ADAM23: variants seen among roughly 807,000 people sequenced by gnomAD.
ADAM23 encodes the protein ADAM metallopeptidase domain 23, also known as disintegrin and metalloproteinase domain-containing protein 23.
ADAM23 carries 33 observed loss-of-function variants against 120.1 expected under a neutral mutation model. The observed-to-expected ratio is 0.27, with a 90% CI of 0.21 to 0.37. The LOEUF (loss-of-function observed/expected upper bound fraction) is 0.37, where lower values mean the gene tolerates loss of function less well. Ranked by LOEUF, ADAM23 falls within the 10% of genes least tolerant of loss-of-function variation. The pLI is 1.00. For missense variants in ADAM23, 862 were observed against 1,058.2 expected (o/e 0.81, Z 2.57); for synonymous variants, 367 against 375.2 (o/e 0.98, Z 0.25).
intron 2 of ADAM23, among the ~76,000 whole-genome samples, chr2:206,449,169 A>G (rs1347961524): frequency 6.6e-6 from 1 of 152,230 alleles, no homozygotes; most frequent in African/African-American, 2.4e-5. Context: ...GTCAGATGTC[A>G]GAAGTGTTGG....
At chr2:206,509,194 C>T (rs916842672) in intron 3 of ADAM23, among the ~76,000 whole-genome samples, 1 of 152,016 alleles carries the variant, frequency 6.6e-6, no homozygotes. Flanking sequence ...AGTGACTGCT[C>T]ATTATAAAAT....
At chr2:206,492,188 C>T (rs548032011) in intron 3 of ADAM23, among the ~76,000 whole-genome samples, 1 of 152,136 alleles carries the variant, frequency 6.6e-6, no homozygotes, top group South Asian at 2.1e-4. Flanking sequence ...GGTACCTAAC[C>T]CAGATTAGAG....
At chr2:206,558,919 GTTTTTGTTTGTT>G (rs1336701224) in intron 10 of ADAM23, among the ~76,000 whole-genome samples, 12 of 145,812 alleles carry the variant, frequency 8.2e-5, no homozygotes, top group South Asian at 2.2e-4. Context: ...TCATCCATTG[GTTTTTGTTTGTT>G]TGTTTGTTTG....
chr2:206,459,255 C>T (rs912703296), intron 2 of ADAM23, among the ~76,000 whole-genome samples: 7 of 152,020 alleles, frequency 4.6e-5, no homozygotes, highest in African/African-American at 1.4e-4. Context: ...GAGATGATGC[C>T]GTCTTATTAC....
At chr2:206,609,243 A>G (rs1356915803) in intron 24 of ADAM23, among the ~76,000 whole-genome samples, 1 of 152,170 alleles carries the variant, frequency 6.6e-6, no homozygotes, top group Admixed American at 6.5e-5. Context: ...GAATCTAAGG[A>G]ATCTTTTTAC....
intron 25 of ADAM23, among the ~76,000 whole-genome samples, chr2:206,613,860 T>G (rs1189179482): frequency 1.3e-5 from 2 of 152,242 alleles, no homozygotes; most frequent in Non-Finnish European, 2.9e-5. Context: ...TCCCTAAATT[T>G]GAATGTAGGG....
Position 206,542,064 on chromosome 2 carries a change from T to C in ADAM23, c.586T>C (p.Cys196Arg), listed in dbSNP as rs1239518760. Residue 196 changes from cysteine (C) to arginine (R), a missense_variant, in exon 5 of 26, where the codon TGT becomes CGT. Physicochemically the swap from Cys to Arg is radical, Grantham distance 180. Around this residue, in one of 4 missense-constraint regions of ADAM23, gnomAD observed 617 missense variants for 813.5 expected, o/e 0.76. Transcript: ENST00000264377. ...ACCTGCTTTCCAGGGTGGAGAGCAC[T>C]GTTACTACCATGGAAGCATCAGAGG... The part of the protein sequence containing the change: ...KPQYSKGGEH[C>R]YYHGSIRGVK... The C allele has an allele frequency of 6.2e-7, 1 of 1,614,198 alleles. No individual in the cohort carries two copies. Among genetic ancestry groups the C allele is most frequent in the East Asian group, 2.2e-5 (1 of 44,888 alleles).
chr2:206,468,434 C>G (rs1339138942), intron 2 of ADAM23, among the ~76,000 whole-genome samples: 1 of 152,148 alleles, frequency 6.6e-6, no homozygotes, highest in African/African-American at 2.4e-5. Flanking sequence ...TTCAAAGTTC[C>G]ATGGATCCCC....
rs1697757118 is a variant in ADAM23, at chr2:206,561,161, G to C, written c.1203G>C (p.Leu401=). ...CATTTCACTATAAGAGAAGCAGTCT[G>C]AGTTACTTTGGAGGTGTCTGTTCTC... The part of the protein sequence containing the change: ...RVTFHYKRSS[L]SYFGGVCSRT... Residue 401 remains leucine, a synonymous_variant, in exon 12 of 26, where the codon CTG becomes CTC. Coordinates refer to ENST00000264377, the MANE Select transcript of ADAM23 (RefSeq NM_003812.4). 45 of 1,614,046 alleles carry C rather than the reference G, an allele frequency of 2.8e-5. No individual in the cohort carries two copies. The highest frequency in any genetic ancestry group is 3.8e-5 in the Non-Finnish European group (45 of 1,179,958).
In ADAM23 at chr2:206,620,329, C is replaced by T. The variant is rs1699030820; in HGVS notation, c.*2702C>T. On this transcript the variant is annotated 3_prime_UTR_variant, in exon 26 of 26. Coordinates refer to ENST00000264377, the MANE Select transcript of ADAM23 (RefSeq NM_003812.4). ...TTTCATAGGTAATCGAACCTATGCT[C>T]CAATGTTAAATTATTTGTGTATATG... 1 of 151,972 alleles carries T rather than the reference C, an allele frequency of 6.6e-6. No homozygotes were observed. The highest frequency in any genetic ancestry group is 1.5e-5 in the Non-Finnish European group (1 of 68,012). The allele number at this position is 151,972 out of a possible 1,614,324, so 9.4% of individuals were successfully genotyped here. A position where few individuals can be genotyped will look rare whatever the true frequency, so the allele number is the denominator to read the frequency against.
chr2:206,527,262 A>G (rs937381764), intron 3 of ADAM23, among the ~76,000 whole-genome samples: 27 of 152,242 alleles, frequency 1.8e-4, no homozygotes, highest in Admixed American at 1.0e-3. Flanking sequence ...GAGTATTAGC[A>G]TTTCAGAACA....
At chr2:206,587,519 C>T in intron 19 of ADAM23, 144 bp downstream of exon 19, 1 of 566,388 alleles carries the variant, frequency 1.8e-6, no homozygotes, top group Non-Finnish European at 3.0e-6. Context: ...TTTAGAGTTG[C>T]TTCATGTTAT....
chr2:206,589,378 T>C, intron 20 of ADAM23, 31 bp from the exon 21 acceptor site: 1 of 1,585,358 alleles, frequency 6.3e-7, no homozygotes, highest in Non-Finnish European at 8.6e-7. Flanking sequence ...AAAATGAAAA[T>C]TAATTTTCTT....
At chr2:206,514,693 G>T (rs1039026740) in intron 3 of ADAM23, among the ~76,000 whole-genome samples, 16 of 152,162 alleles carry the variant, frequency 1.1e-4, no homozygotes, top group Non-Finnish European at 2.2e-4. Flanking sequence ...ATGCTACAGA[G>T]AAATCTTTCA....
chr2:206,545,235 C>T (rs1019187202), intron 6 of ADAM23, among the ~76,000 whole-genome samples: 13 of 152,120 alleles, frequency 8.5e-5, no homozygotes, highest in Non-Finnish European at 1.9e-4. Flanking sequence ...CGCCTATAAT[C>T]CTAGCACTTT....
intron 24 of ADAM23, among the ~76,000 whole-genome samples, chr2:206,600,777 T>G (rs1399474166): frequency 6.6e-6 from 1 of 152,160 alleles, no homozygotes; most frequent in African/African-American, 2.4e-5. Context: ...CATGCTAGAT[T>G]ATTCACGCCA....
intron 24 of ADAM23, among the ~76,000 whole-genome samples, chr2:206,599,947 A>G (rs886998433): frequency 2.0e-5 from 3 of 152,240 alleles, no homozygotes; most frequent in African/African-American, 4.8e-5. Context: ...CACGCCTGTA[A>G]TCCCAGCACT....
At chr2:206,501,070 C>A (rs1696378449) in intron 3 of ADAM23, among the ~76,000 whole-genome samples, 1 of 151,358 alleles carries the variant, frequency 6.6e-6, no homozygotes. Flanking sequence ...TTGAAAAGAG[C>A]TTTGATTGTG....
At chr2:206,571,218 G>T (rs1204277678) in intron 16 of ADAM23, among the ~76,000 whole-genome samples, 1 of 152,230 alleles carries the variant, frequency 6.6e-6, no homozygotes, top group East Asian at 1.9e-4. Flanking sequence ...GCTGACGCCT[G>T]TAATCCCAGC....
Sources: gnomAD v4.1 joint callset for allele counts (sites outside exome capture counted in the v4.1 genomes callset) on GRCh38, gnomAD v4.1.1 for gene constraint, gnomAD v4.1.1 regional missense constraint, MANE v1.5 for transcripts, NCBI Gene and HGNC (gene_info 2026-07-23, HGNC 2026-07-21) for gene names.